The following ST6GALNAC2 variants were observed in gnomAD, a reference collection of about 807,000 sequenced individuals.
The protein encoded by ST6GALNAC2 is alpha-N-acetylgalactosaminide alpha-2,6-sialyltransferase 2.
ST6GALNAC2 carries 42 observed loss-of-function variants against 38.7 expected under a neutral mutation model. That is an observed-to-expected ratio of 1.09 (90% CI 0.85 to 1.40). The LOEUF is 1.40. ST6GALNAC2 is among the 40% of genes most tolerant of loss of function. The probability of loss-of-function intolerance (pLI) is 0.00; values close to 1 mark genes in which losing one functional copy is unlikely to be tolerated. For synonymous variants in ST6GALNAC2, 233 were observed against 209.0 expected (o/e 1.11, Z -0.99); for missense variants, 506 against 481.7 (o/e 1.05, Z -0.47).
At chr17:76,578,583 C>G (rs1237315889) in intron 2 of ST6GALNAC2, among the ~76,000 whole-genome samples, 173 bp downstream of exon 2, 1 of 152,108 alleles carries the variant, frequency 6.6e-6, no homozygotes, top group Non-Finnish European at 1.5e-5. Context: ...ACAAGAAACC[C>G]TATTGGTCAG....
At position 76,572,761 on chromosome 17, in the gene ST6GALNAC2, A is replaced by G. The variant is rs372908238; in HGVS notation, c.545T>C (p.Val182Ala). ...CACATCGCGCTCGAAGCCTTTGATC[A>G]CAGCTCCATTGAGTCTGGTTGGCAC... ...HDYVFRLNGA[V>A]IKGFERDVGT... The change falls in exon 5 of 9, where the codon GTG (valine) becomes GCG (alanine). Residue 182 changes from valine (V) to alanine (A), a missense_variant. By Grantham distance (64) the Val-to-Ala change is moderately conservative. Coordinates refer to ENST00000225276, the MANE Select transcript of ST6GALNAC2 (RefSeq NM_006456.3). 11 of 1,614,022 alleles carry G rather than the reference A, an allele frequency of 6.8e-6. No homozygotes were observed. Among genetic ancestry groups the G allele is most frequent in the Non-Finnish European group, 9.3e-6 (11 of 1,180,018 alleles).
Position 76,570,524 on chromosome 17 carries a change from C to T in ST6GALNAC2, c.773+41G>A, listed in dbSNP as rs1427123364. 7 of 1,433,922 alleles carry T rather than the reference C, an allele frequency of 4.9e-6. No homozygotes were observed. In the East Asian group the frequency reaches 1.6e-4, roughly 33 times the overall value. 88.8% of individuals were successfully genotyped at this position (1,433,922 alleles called of 1,614,324 possible). ...AGGAGATAACCACAGTGTCCCTTGC[C>T]CCTCTGCCACGCCCCACACCACCAC... is the stretch of plus-strand genomic sequence containing the variant. On this transcript the variant is annotated intron_variant, in intron 6 of 8. Coordinates refer to ENST00000225276, the MANE Select transcript of ST6GALNAC2 (RefSeq NM_006456.3).
At chr17:76,568,950 G>T in intron 6 of ST6GALNAC2, 154 bp from the exon 7 acceptor site, 1 of 669,534 alleles carries the variant, frequency 1.5e-6, no homozygotes, top group Non-Finnish European at 2.6e-6. Context: ...TGTAGAAGGT[G>T]GCAGGCAGTA....
Position 76,573,334 on chromosome 17 carries a change from C to T in ST6GALNAC2, c.391G>A (p.Gly131Ser), listed in dbSNP as rs375079849. ...GCAAACAGCTTGGCACTCTCTGAGC[C>T]GTTCAGAAGGCTCAGGGTGGAGGCG... is the stretch of plus-strand genomic sequence containing the variant. The part of the protein sequence containing the change: ...VIASTLSLLN[G>S]SESAKLFAPP... The change falls in exon 4 of 9, where the codon GGC becomes AGC. Residue 131 changes from glycine to serine, a missense_variant. Transcript: ENST00000225276. This position sits in a 1 kb window ranked among gnomAD's most constrained non-coding sequence, Gnocchi z 5.1. The T allele has an allele frequency of 2.3e-5, 36 of 1,572,352 alleles. No individual in the cohort carries two copies. The highest frequency in any genetic ancestry group is 2.9e-5 in the Non-Finnish European group (34 of 1,158,444).
At chr17:76,582,737 C>A (rs1253056891) in intron 1 of ST6GALNAC2, among the ~76,000 whole-genome samples, 1 of 152,180 alleles carries the variant, frequency 6.6e-6, no homozygotes, top group Non-Finnish European at 1.5e-5. Flanking sequence ...CTGGACTGTC[C>A]CCTGTAGCCA....
rs1598251523 is a variant in ST6GALNAC2 at position 76,573,120 on chromosome 17, C to T, written c.530+75G>A. Reference sequence around the variant, plus strand: ...CCCAGGCCACTGCTGCCATAGCCCACTGCCCCTGGGGGAGACACCCCCACC... The same window carrying T: ...CCCAGGCCACTGCTGCCATAGCCCATTGCCCCTGGGGGAGACACCCCCACC... On this transcript the variant is annotated intron_variant, in intron 4 of 8. Coordinates refer to ENST00000225276, the MANE Select transcript of ST6GALNAC2 (RefSeq NM_006456.3). This position sits in a 1 kb window ranked among gnomAD's most constrained non-coding sequence, Gnocchi z 5.1. 4 of 1,470,228 alleles carry T rather than the reference C, an allele frequency of 2.7e-6. No individual in the cohort carries two copies. In the Admixed American group the frequency reaches 5.9e-5, roughly 22 times the overall value. 91.1% of individuals were successfully genotyped at this position (1,470,228 alleles called of 1,614,324 possible).
chr17:76,576,970 CAAAAA>C (rs540729757), intron 2 of ST6GALNAC2, among the ~76,000 whole-genome samples: 6 of 100,024 alleles, frequency 6.0e-5, no homozygotes, highest in Admixed American at 2.1e-4. Context: ...AACTCCATCT[CAAAAA>C]AAAAAAAAAA....
chr17:76,565,814 ACACTC>A lies in ST6GALNAC2; in HGVS notation c.*285_*289del, dbSNP rs1462968484. ...CTGGACTGCTGTCTGATCTTGCTGA[ACACTC>A]CACCGACATTTCCTAAAGTTGCTCA... On this transcript the variant is annotated 3_prime_UTR_variant, in exon 9 of 9. Coordinates refer to ENST00000225276, the MANE Select transcript of ST6GALNAC2 (RefSeq NM_006456.3). 4.1e-5 allele frequency: 13 copies of A among 313,274 alleles called. No individual in the cohort carries two copies. The East Asian group carries it at 8.1e-4, about 20-fold the overall frequency. 19.4% of individuals were successfully genotyped at this position (313,274 alleles called of 1,614,324 possible).
chr17:76,566,548 A>G (rs978665276), intron 8 of ST6GALNAC2, among the ~76,000 whole-genome samples: 86 of 152,236 alleles, frequency 5.6e-4, no homozygotes, highest in African/African-American at 2.0e-3. Context: ...GACTGCAGTC[A>G]AGACACTCCT....
Position 76,570,603 on chromosome 17 carries a change from C to G in ST6GALNAC2, c.735G>C (p.Leu245=), listed in dbSNP as rs377635058. ...CTAGGCCCTCAGGGACAGGCACGCC[C>G]AGAATGGCCGATCTCAGCATCACAT... ...RDYVMLRSAI[L]GVPVPEGLDK... is the part of the protein sequence containing the mutation. Residue 245 remains leucine, a synonymous_variant, in exon 6 of 9, where the codon CTG becomes CTC. Coordinates refer to ENST00000225276, the MANE Select transcript of ST6GALNAC2 (RefSeq NM_006456.3). The G allele has an allele frequency of 5.3e-5, 85 of 1,613,134 alleles. No individual in the cohort carries two copies. The highest frequency in any genetic ancestry group is 7.0e-5 in the Non-Finnish European group (83 of 1,179,782).
intron 2 of ST6GALNAC2, among the ~76,000 whole-genome samples, chr17:76,577,631 A>G (rs1381860224): frequency 3.5e-5 from 5 of 141,830 alleles, no homozygotes; most frequent in Non-Finnish European, 7.5e-5. Context: ...GGTGGAGTGC[A>G]GTGGCACGAT....
intron 2 of ST6GALNAC2, 120 bp downstream of exon 2, chr17:76,578,636 G>A (rs2075443481): frequency 1.1e-6 from 1 of 908,198 alleles, no homozygotes; most frequent in South Asian, 1.6e-5. Flanking sequence ...CTGTAACTTA[G>A]GGCGTTCCAA....
chr17:76,583,375 C>CCAAAAAAAAAA (rs552258391), intron 1 of ST6GALNAC2, among the ~76,000 whole-genome samples: 5 of 97,528 alleles, frequency 5.1e-5, no homozygotes, highest in East Asian at 3.2e-4. Context: ...GACTCTGTCC[C>CCAAAAAAAAAA]AAAAAAAAAA....
Position 76,567,532 on chromosome 17 carries a change from ATCAAC to A in ST6GALNAC2, c.873_877del (p.Lys291AsnfsTer2). On this transcript the variant is annotated frameshift_variant, in exon 8 of 9. Transcript: ENST00000225276. LOFTEE classifies it high-confidence loss of function. ...ATATAGGTCTCCAAAATGTGTGTTAATCAACTTTGATTTCAAGAACCTGGAAGCAA... is the reference window on the plus strand; with the variant it reads ...ATATAGGTCTCCAAAATGTGTGTTAATTTGATTTCAAGAACCTGGAAGCAA... 1 of 1,613,734 alleles carries A rather than the reference ATCAAC, an allele frequency of 6.2e-7. No individual in the cohort carries two copies. The highest frequency in any genetic ancestry group is 8.5e-7 in the Non-Finnish European group (1 of 1,179,782).
At chr17:76,576,660 A>G (rs887002657) in intron 2 of ST6GALNAC2, among the ~76,000 whole-genome samples, 2 of 151,910 alleles carry the variant, frequency 1.3e-5, no homozygotes, top group Non-Finnish European at 2.9e-5. Flanking sequence ...TAGAGTTTTC[A>G]CTGACAAAAC....
chr17:76,573,055 C>T lies in ST6GALNAC2; in HGVS notation c.530+140G>A, dbSNP rs1189368932. The T allele has an allele frequency of 4.0e-6, 4 of 1,009,090 alleles. No homozygotes were observed. Among genetic ancestry groups the T allele is most frequent in the South Asian group, 1.7e-5 (1 of 59,862 alleles). The allele number at this position is 1,009,090 out of a possible 1,614,324, so 62.5% of individuals were successfully genotyped here. A position where few individuals can be genotyped will look rare whatever the true frequency, so the allele number is the denominator to read the frequency against. Reference sequence around the variant, plus strand: ...CCTCAGGGCCTACTGTTTGTTTTTGCCTTGTCCATGCCCGTGTGCTGGTCA... The same window carrying T: ...CCTCAGGGCCTACTGTTTGTTTTTGTCTTGTCCATGCCCGTGTGCTGGTCA... On this transcript the variant is annotated intron_variant, in intron 4 of 8. Transcript: ENST00000225276. The surrounding 1 kb of genome is among the most constrained non-coding windows in gnomAD (Gnocchi z 5.1).
intron 1 of ST6GALNAC2, among the ~76,000 whole-genome samples, chr17:76,581,366 T>C (rs760338683): frequency 2.6e-5 from 4 of 151,796 alleles, no homozygotes; most frequent in Non-Finnish European, 5.9e-5. Flanking sequence ...AAAAACCCCA[T>C]TGCTCAGCCC....
intron 3 of ST6GALNAC2, 66 bp downstream of exon 3, chr17:76,574,299 C>T: frequency 6.4e-7 from 1 of 1,559,488 alleles, no homozygotes; most frequent in Non-Finnish European, 8.7e-7. Context: ...GAGGCCTGGC[C>T]TACTTCAGGG....
At position 76,573,941 on chromosome 17, in the gene ST6GALNAC2, T is replaced by A. The variant is rs1006985461; in HGVS notation, c.361+424A>T. Among the ~76,000 whole-genome samples, 6 of 151,704 alleles carry A rather than the reference T, an allele frequency of 4.0e-5. No individual in the cohort carries two copies. Among genetic ancestry groups the A allele is most frequent in the Admixed American group, 3.9e-4 (6 of 15,226 alleles). ...ACTCCATCTCAAAAATAAAAAAGACTGTATATTGCAAAAGAAAAGAATCGG... is the reference window on the plus strand; with the variant it reads ...ACTCCATCTCAAAAATAAAAAAGACAGTATATTGCAAAAGAAAAGAATCGG... On this transcript the variant is annotated intron_variant, in intron 3 of 8. Transcript: ENST00000225276. This position sits in a 1 kb window ranked among gnomAD's most constrained non-coding sequence, Gnocchi z 5.1.
Sources: allele counts gnomAD v4.1 joint callset (sites outside exome capture counted in the v4.1 genomes callset), GRCh38; gene constraint gnomAD v4.1.1; non-coding constraint Gnocchi (gnomAD v3.1); transcripts MANE v1.5; gene names NCBI Gene and HGNC (gene_info 2026-07-23, HGNC 2026-07-21).